The following CEP70 variants were observed in gnomAD, a reference collection of about 807,000 sequenced individuals.
The protein encoded by CEP70 is centrosomal protein of 70 kDa.
In CEP70, 70 loss-of-function variants were observed where a neutral mutation model predicts 90.9. That is an observed-to-expected ratio of 0.77 (90% CI 0.64 to 0.94). CEP70 has a LOEUF of 0.94. Among genes scored for constraint, CEP70 ranks in the 40% least tolerant of loss-of-function variants. CEP70 has a pLI of 0.00. For synonymous variants in CEP70, 220 were observed against 228.3 expected, an observed-to-expected ratio of 0.96 and a Z score of 0.33; for missense variants, 648 against 669.0, an observed-to-expected ratio of 0.97 and a Z score of 0.35.
At chr3:138,555,604 G>C (rs2039948394) in intron 6 of CEP70, among the ~76,000 whole-genome samples, 1 of 152,226 alleles carries the variant, frequency 6.6e-6, no homozygotes, top group South Asian at 2.1e-4. Flanking sequence ...GTGAGCTAAG[G>C]ATATGAATAG....
chr3:138,557,538 T>G (rs1312356527), intron 6 of CEP70, among the ~76,000 whole-genome samples: 2 of 152,234 alleles, frequency 1.3e-5, no homozygotes, highest in African/African-American at 4.8e-5. Flanking sequence ...GGGGAACTAA[T>G]AAATGTCCAC....
At chr3:138,516,924 A>G (rs1213699657) in intron 11 of CEP70, among the ~76,000 whole-genome samples, 3 of 152,212 alleles carry the variant, frequency 2.0e-5, no homozygotes, top group Non-Finnish European at 4.4e-5. Flanking sequence ...GTACACATAG[A>G]TAATCTTCAG....
chr3:138,534,033 C>T (rs530065454), intron 7 of CEP70, among the ~76,000 whole-genome samples: 2 of 152,362 alleles, frequency 1.3e-5, no homozygotes, highest in South Asian at 4.1e-4. Context: ...ATCCGCCCGC[C>T]TCGGCCTCCC....
intron 8 of CEP70, among the ~76,000 whole-genome samples, chr3:138,532,260 A>G (rs1372617171): frequency 6.6e-6 from 1 of 152,188 alleles, no homozygotes; most frequent in East Asian, 1.9e-4. Flanking sequence ...ACTTCAAGAA[A>G]ATAAAGGGAA....
chr3:138,496,029 C>T, intron 17 of CEP70: 3 of 985,396 alleles, frequency 3.0e-6, no homozygotes, highest in Non-Finnish European at 3.6e-6. Context: ...CTTATTCCAA[C>T]CAGCCTAAGT....
intron 11 of CEP70, among the ~76,000 whole-genome samples, chr3:138,518,140 C>T (rs1043334242): frequency 1.3e-4 from 20 of 152,188 alleles, no homozygotes; most frequent in East Asian, 7.7e-4. Context: ...GTGGGAGGGG[C>T]GCCCGACATT....
intron 6 of CEP70, among the ~76,000 whole-genome samples, chr3:138,543,299 C>T (rs1303589771): frequency 6.6e-6 from 1 of 152,224 alleles, no homozygotes; most frequent in Non-Finnish European, 1.5e-5. Context: ...AGCCTCCCTT[C>T]TGCGCTCGTC....
At chr3:138,573,410 G>C (rs563572219) in intron 2 of CEP70, among the ~76,000 whole-genome samples, 2 of 150,098 alleles carry the variant, frequency 1.3e-5, no homozygotes, top group East Asian at 3.9e-4. Flanking sequence ...GAAAAAAAAA[G>C]TCAGTCATAC....
At position 138,494,896 on chromosome 3, in the gene CEP70, AG is replaced by A; in HGVS notation, c.*118del. The stretch of plus-strand genomic sequence containing the variant: ...GATGAAGAATGACCTAATACTAAGA[AG>A]GGGATGAATTCTGAGAGCAAATACA... On this transcript the variant is annotated 3_prime_UTR_variant, in exon 18 of 18. Transcript: ENST00000264982. 3 of 625,282 alleles carry A rather than the reference AG, an allele frequency of 4.8e-6. No individual in the cohort carries two copies. The highest frequency in any genetic ancestry group is 8.6e-6 in the Non-Finnish European group (3 of 348,616). The allele number at this position is 625,282 out of a possible 1,614,324, so 38.7% of individuals were successfully genotyped here.
chr3:138,568,720 C>T (rs1462456711), intron 6 of CEP70, among the ~76,000 whole-genome samples: 4 of 152,064 alleles, frequency 2.6e-5, no homozygotes, highest in Non-Finnish European at 5.9e-5. Flanking sequence ...GTGGCTCACA[C>T]CTATAATCTC....
intron 13 of CEP70, among the ~76,000 whole-genome samples, chr3:138,504,040 T>C (rs1422155347): frequency 1.3e-5 from 2 of 152,222 alleles, no homozygotes; most frequent in Non-Finnish European, 2.9e-5. Flanking sequence ...TTCTAGTCTT[T>C]TCTTCTAGGA....
chr3:138,586,981 A>G (rs1164336412), intron 2 of CEP70, among the ~76,000 whole-genome samples: 1 of 152,110 alleles, frequency 6.6e-6, no homozygotes, highest in Non-Finnish European at 1.5e-5. Flanking sequence ...AATTAAAAAA[A>G]TTTTAAATTG....
Position 138,529,259 on chromosome 3 carries a change from T to A in CEP70, c.809A>T (p.Lys270Ile). 1 of 1,609,682 alleles carries A rather than the reference T, an allele frequency of 6.2e-7. No homozygotes were observed. Among genetic ancestry groups the A allele is most frequent in the South Asian group, 1.1e-5 (1 of 89,858 alleles). The change falls in exon 10 of 18, where the codon AAA becomes ATA. Residue 270 changes from lysine (K) to isoleucine (I), a missense_variant. Transcript: ENST00000264982. ...MSLQNQLKES[K>I]SKIDALSSEK... ...ACTTGAAAGTGCATCAATCTTAGAT[T>A]TTGATTCCTTGAGTTGATTCTGTAA...
chr3:138,510,507 T>A (rs2035426860), intron 11 of CEP70, among the ~76,000 whole-genome samples: 1 of 152,014 alleles, frequency 6.6e-6, no homozygotes, highest in Non-Finnish European at 1.5e-5. Context: ...GATATTAGAT[T>A]TAGCACATAA....
intron 6 of CEP70, among the ~76,000 whole-genome samples, chr3:138,540,456 C>T (rs992057215): frequency 2.0e-5 from 3 of 148,200 alleles, no homozygotes; most frequent in Middle Eastern, 3.5e-3. Flanking sequence ...TGCACTCCAG[C>T]CTGGGCAACA....
At chr3:138,524,205 A>C (rs2036974993) in intron 11 of CEP70, among the ~76,000 whole-genome samples, 2 of 151,730 alleles carry the variant, frequency 1.3e-5, no homozygotes, top group African/African-American at 4.9e-5. Context: ...CCTTCCTTAC[A>C]CCTTATACAA....
At position 138,583,738 on chromosome 3, in the gene CEP70, C is replaced by G. The variant is rs144600188; in HGVS notation, c.-6+8116G>C. 4.4e-4 allele frequency among the ~76,000 whole-genome samples: 67 copies of G among 152,122 alleles called. 1 individual carries two copies. Among genetic ancestry groups the G allele is most frequent in the Middle Eastern group, 3.4e-3 (1 of 294 alleles). On this transcript the variant is annotated intron_variant, in intron 2 of 17. Coordinates refer to ENST00000264982, the MANE Select transcript of CEP70 (RefSeq NM_024491.4). ...GTCAATGAAGAGATTAAGAAGGAAA[C>G]TGAAAAATGTCTTGAAACAAATGAT...
chr3:138,530,402 C>G (rs1479212474), intron 8 of CEP70, among the ~76,000 whole-genome samples: 2 of 152,160 alleles, frequency 1.3e-5, no homozygotes, highest in Non-Finnish European at 2.9e-5. Context: ...TAGTATTACA[C>G]ATAAACATAT....
intron 17 of CEP70, chr3:138,496,361 C>T: frequency 2.0e-6 from 2 of 985,224 alleles, no homozygotes; most frequent in Non-Finnish European, 2.4e-6. Context: ...TCTGAACCCA[C>T]TAACAAAGCA....
Sources: allele counts gnomAD v4.1 joint callset (sites outside exome capture counted in the v4.1 genomes callset), GRCh38; gene constraint gnomAD v4.1.1; transcripts MANE v1.5; gene names NCBI Gene and HGNC (gene_info 2026-07-23, HGNC 2026-07-21).